The following FOXP1 variants were observed in gnomAD, a reference collection of about 807,000 sequenced individuals.
The protein encoded by FOXP1 is forkhead box protein P1.
In FOXP1, 15 loss-of-function variants were observed where a neutral mutation model predicts 98.2. The observed-to-expected ratio is 0.15, with a 90% CI of 0.10 to 0.24. The LOEUF (loss-of-function observed/expected upper bound fraction) is 0.24. Ranked by LOEUF, FOXP1 falls within the 10% of genes least tolerant of loss-of-function variation. FOXP1 has a pLI of 1.00. For missense variants in FOXP1, 633 were observed against 848.5 expected (o/e 0.75, Z 3.15); for synonymous variants, 371 against 314.5 (o/e 1.18, Z -1.90).
At chr3:71,112,143 C>T (rs2107745147) in intron 7 of FOXP1, among the ~76,000 whole-genome samples, 1 of 152,066 alleles carries the variant, frequency 6.6e-6, no homozygotes, top group South Asian at 2.1e-4. Context: ...TCGCCAAAAT[C>T]TTCCCAATTG....
chr3:71,241,698 T>G (rs2067296671), intron 5 of FOXP1, among the ~76,000 whole-genome samples: 1 of 152,240 alleles, frequency 6.6e-6, no homozygotes, highest in African/African-American at 2.4e-5. Context: ...TTTACTGGCA[T>G]GTACAGTATG....
At chr3:71,231,213 G>A (rs975816082) in intron 5 of FOXP1, among the ~76,000 whole-genome samples, 1 of 152,096 alleles carries the variant, frequency 6.6e-6, no homozygotes, top group African/African-American at 2.4e-5. Flanking sequence ...ATCCTGACAA[G>A]GAAAGATGAA....
At chr3:71,483,344 T>C (rs1208681006) in intron 3 of FOXP1, among the ~76,000 whole-genome samples, 1 of 152,148 alleles carries the variant, frequency 6.6e-6, no homozygotes, top group Non-Finnish European at 1.5e-5. Context: ...CTGATGACAT[T>C]ATTATTTCAT....
chr3:71,538,505 TGTG>T (rs1287717722), intron 2 of FOXP1, among the ~76,000 whole-genome samples: 2 of 152,252 alleles, frequency 1.3e-5, no homozygotes, highest in African/African-American at 4.8e-5. Context: ...CATTCCTTTT[TGTG>T]GCTGAAAAAC....
At chr3:71,256,496 G>T (rs2068635484) in intron 5 of FOXP1, among the ~76,000 whole-genome samples, 1 of 152,118 alleles carries the variant, frequency 6.6e-6, no homozygotes, top group Non-Finnish European at 1.5e-5. Flanking sequence ...CCATTCTCCT[G>T]CCGCAGCCTC....
intron 2 of FOXP1, among the ~76,000 whole-genome samples, chr3:71,514,635 C>A (rs572868365): frequency 3.3e-5 from 5 of 152,230 alleles, no homozygotes; most frequent in African/African-American, 9.6e-5. Context: ...GGCTCTCCCC[C>A]CTGTTGGGAA....
At chr3:71,103,870 CTACATCACT>C (rs1378068436) in intron 7 of FOXP1, among the ~76,000 whole-genome samples, 5 of 152,114 alleles carry the variant, frequency 3.3e-5, no homozygotes, top group African/African-American at 1.2e-4. Flanking sequence ...ATGGAAAACA[CTACATCACT>C]TGACCTCAGC....
chr3:71,248,014 C>T (rs1344100994), intron 5 of FOXP1, among the ~76,000 whole-genome samples: 4 of 152,160 alleles, frequency 2.6e-5, no homozygotes, highest in East Asian at 1.9e-4. Context: ...CAGGACACAG[C>T]GGCAAGAAGG....
rs540249107 is a variant in FOXP1, at chr3:71,184,200, T to G, written c.180+14002A>C. Among the ~76,000 whole-genome samples, 10 of 152,212 alleles carry G rather than the reference T, an allele frequency of 6.6e-5. No homozygotes were observed. The East Asian group carries it at 1.4e-3, about 21-fold the overall frequency. ...GCCCTTCAGATGATGCTCACGCACATAAAAGTTTGAGAACCACTGCTGACT... is the reference window on the plus strand; with the variant it reads ...GCCCTTCAGATGATGCTCACGCACAGAAAAGTTTGAGAACCACTGCTGACT... On this transcript the variant is annotated intron_variant, in intron 6 of 20. Coordinates refer to ENST00000649528, the MANE Select transcript of FOXP1 (RefSeq NM_001349338.3).
Position 71,415,483 on chromosome 3 carries a change from T to C in FOXP1, c.-167-56239A>G, listed in dbSNP as rs189772310. On this transcript the variant is annotated intron_variant, in intron 3 of 20. Transcript: ENST00000649528. Reference sequence around the variant, plus strand: ...AGCCAATATTTATACAAACAAAATCTAGACTATCTGAGCAAAAAAGGAATG... The same window carrying C: ...AGCCAATATTTATACAAACAAAATCCAGACTATCTGAGCAAAAAAGGAATG... 1.4e-4 allele frequency among the ~76,000 whole-genome samples: 21 copies of C among 152,282 alleles called. No individual in the cohort carries two copies. In the East Asian group the frequency reaches 3.7e-3, roughly 27 times the overall value.
At chr3:71,425,821 C>T (rs1430916603) in intron 3 of FOXP1, among the ~76,000 whole-genome samples, 1 of 152,040 alleles carries the variant, frequency 6.6e-6, no homozygotes, top group African/African-American at 2.4e-5. Flanking sequence ...TCTTTCTCTA[C>T]CATGACATTC....
At chr3:71,539,341 T>G (rs1376053286) in intron 2 of FOXP1, among the ~76,000 whole-genome samples, 5 of 148,790 alleles carry the variant, frequency 3.4e-5, no homozygotes, top group Non-Finnish European at 7.4e-5. Flanking sequence ...CAGGATGGTC[T>G]CGATCTCCTG....
In FOXP1 at chr3:71,348,542, TGTGTGTGC is replaced by T. The variant is rs1182047063; in HGVS notation, c.-73+10600_-73+10607del. On this transcript the variant is annotated intron_variant, in intron 4 of 20. Transcript: ENST00000649528. ...GTGTGCGTGTGTGTGTGTGTGTGTG[TGTGTGTGC>T]GTGCGCGCGCGCACGCATATGCATG... Among the ~76,000 whole-genome samples the T allele has an allele frequency of 3.7e-3, 284 of 76,142 alleles. 4 individuals carry two copies. Among genetic ancestry groups the T allele is most frequent in the African/African-American group, 0.012 (275 of 23,298 alleles). 50.0% of individuals were successfully genotyped at this position (76,142 alleles called of 152,430 possible).
At chr3:71,314,367 A>G (rs971506279) in intron 4 of FOXP1, among the ~76,000 whole-genome samples, 1 of 151,962 alleles carries the variant, frequency 6.6e-6, no homozygotes, top group Non-Finnish European at 1.5e-5. Context: ...ATCTCTACTA[A>G]AAGTACAAAA....
chr3:71,076,869 C>T (rs1187173545), intron 7 of FOXP1, among the ~76,000 whole-genome samples: 3 of 152,164 alleles, frequency 2.0e-5, no homozygotes, highest in Non-Finnish European at 4.4e-5. Context: ...GTTCTTTACT[C>T]CTATCCTGGC....
At chr3:71,277,817 T>C (rs1356759681) in intron 5 of FOXP1, among the ~76,000 whole-genome samples, 1 of 152,144 alleles carries the variant, frequency 6.6e-6, no homozygotes, top group Non-Finnish European at 1.5e-5. Flanking sequence ...ATTTAATTAA[T>C]TAATTAATTA....
intron 2 of FOXP1, among the ~76,000 whole-genome samples, chr3:71,509,966 G>A (rs1264819207): frequency 1.3e-5 from 2 of 152,122 alleles, no homozygotes; most frequent in Non-Finnish European, 2.9e-5. Context: ...ATCACCTGAG[G>A]TCAGGAGTTG....
chr3:71,319,995 A>C (rs910563030), intron 4 of FOXP1, among the ~76,000 whole-genome samples: 3 of 152,010 alleles, frequency 2.0e-5, no homozygotes, highest in Admixed American at 6.6e-5. Flanking sequence ...GCCGGCCCAC[A>C]CAAGGGTGCC....
At chr3:71,222,995 T>C (rs1033026020) in intron 5 of FOXP1, among the ~76,000 whole-genome samples, 1 of 152,158 alleles carries the variant, frequency 6.6e-6, no homozygotes, top group African/African-American at 2.4e-5. Context: ...AATAAATTTT[T>C]CCCCTTTCTT....
Sources: gnomAD v4.1 joint callset for allele counts (sites outside exome capture counted in the v4.1 genomes callset) on GRCh38, gnomAD v4.1.1 for gene constraint, MANE v1.5 for transcripts, NCBI Gene and HGNC (gene_info 2026-07-23, HGNC 2026-07-21) for gene names.